The following USP53 variants were observed in gnomAD, a reference collection of about 807,000 sequenced individuals.
USP53 encodes ubiquitin specific peptidase 53, also known as ubiquitin carboxyl-terminal hydrolase 53.
Under a neutral mutation model 94.9 loss-of-function variants are expected in USP53, and 71 were observed. That is an observed-to-expected ratio of 0.75 (90% CI 0.62 to 0.91). USP53 has a LOEUF of 0.91. Among genes scored for constraint, USP53 ranks in the 40% least tolerant of loss-of-function variants. The pLI, the probability that USP53 is intolerant of heterozygous loss-of-function variation, is 0.00. For missense variants in USP53, 1,173 were observed against 1,281.0 expected, an observed-to-expected ratio of 0.92 and a Z score of 1.29; for synonymous variants, 375 against 422.7, an observed-to-expected ratio of 0.89 and a Z score of 1.39.
intron 18 of USP53, 91 bp from the exon 19 acceptor site, chr4:119,292,246 GA>G: frequency 7.5e-7 from 1 of 1,337,432 alleles, no homozygotes; most frequent in South Asian, 1.7e-5. Context: ...TGTATTTTGG[GA>G]AAATCAAACT....
At chr4:119,261,086 A>G (rs1251485686) in intron 11 of USP53, among the ~76,000 whole-genome samples, 1 of 150,000 alleles carries the variant, frequency 6.7e-6, no homozygotes, top group African/African-American at 2.5e-5. Flanking sequence ...CAGCCTCCCT[A>G]GTAGCTGGGA....
At chr4:119,289,476 G>A (rs536105433) in intron 17 of USP53, among the ~76,000 whole-genome samples, 8 of 152,220 alleles carry the variant, frequency 5.3e-5, no homozygotes, top group African/African-American at 1.7e-4. Flanking sequence ...GAGACCTCCC[G>A]GGGTCCAAGG....
chr4:119,285,566 C>G (rs1325814555), intron 17 of USP53, among the ~76,000 whole-genome samples: 1 of 151,778 alleles, frequency 6.6e-6, no homozygotes, highest in Non-Finnish European at 1.5e-5. Flanking sequence ...TCTTCTTGTA[C>G]AAATAGTCTG....
chr4:119,268,036 G>A lies in USP53; in HGVS notation c.1136-232G>A, dbSNP rs558361011. On this transcript the variant is annotated intron_variant, in intron 13 of 18. Transcript: ENST00000692078. Reference sequence around the variant, plus strand: ...CAAAAAATTGGCCGGGCGCGGTGGCGGGCGCCTGTAGTCCCAGCTACTCGG... The same window carrying A: ...CAAAAAATTGGCCGGGCGCGGTGGCAGGCGCCTGTAGTCCCAGCTACTCGG... Among the ~76,000 whole-genome samples the A allele has an allele frequency of 2.0e-4, 30 of 152,072 alleles. 1 individual carries two copies. Among genetic ancestry groups the A allele is most frequent in the Admixed American group, 1.6e-3 (25 of 15,290 alleles).
In USP53 at chr4:119,269,749, T is replaced by C; in HGVS notation, c.1347T>C (p.Ala449=). ...EKIKDISREC[A]LKAIEQKNLL... ...TAAAAGACATTTCCAGAGAATGTGC[T>C]CTGAAAGCTATTGAACAGAAAAACT... is the stretch of plus-strand genomic sequence containing the variant. Residue 449 remains alanine, a synonymous_variant, in exon 15 of 19, where the codon GCT becomes GCC. Transcript: ENST00000692078. 6.6e-7 allele frequency: 1 copy of C among 1,512,106 alleles called. No homozygotes were observed. Among genetic ancestry groups the C allele is most frequent in the South Asian group, 1.4e-5 (1 of 72,890 alleles). 93.7% of individuals were successfully genotyped at this position (1,512,106 alleles called of 1,614,324 possible). A position where few individuals can be genotyped will look rare whatever the true frequency, so the allele number is the denominator to read the frequency against.
At chr4:119,274,716 G>T (rs1307459317) in intron 17 of USP53, among the ~76,000 whole-genome samples, 1 of 140,438 alleles carries the variant, frequency 7.1e-6, no homozygotes, top group Non-Finnish European at 1.6e-5. Context: ...CCCACCAACA[G>T]TGTAAAAGTG....
At chr4:119,253,188 A>C (rs746043934) in intron 7 of USP53, among the ~76,000 whole-genome samples, 7 of 152,084 alleles carry the variant, frequency 4.6e-5, no homozygotes, top group Non-Finnish European at 2.9e-5. Context: ...AAGAATATAT[A>C]TTCTGTTGAT....
intron 6 of USP53, among the ~76,000 whole-genome samples, chr4:119,248,243 A>G (rs1748510358): frequency 2.0e-5 from 3 of 152,136 alleles, no homozygotes; most frequent in Admixed American, 2.0e-4. Flanking sequence ...AATTTAGATT[A>G]GAAATACAGG....
intron 17 of USP53, among the ~76,000 whole-genome samples, chr4:119,286,521 A>T (rs1754136657): frequency 6.6e-6 from 1 of 152,002 alleles, no homozygotes. Context: ...AAGTCAAACC[A>T]CTTGGTTGAA....
intron 6 of USP53, among the ~76,000 whole-genome samples, chr4:119,247,559 T>C (rs1748418272): frequency 1.3e-5 from 2 of 152,192 alleles, no homozygotes; most frequent in Admixed American, 6.5e-5. Context: ...TCTACTGTAC[T>C]TATCACATTC....
At chr4:119,241,511 AT>A (rs34187026) in intron 5 of USP53, among the ~76,000 whole-genome samples, 66,122 of 149,158 alleles carry the variant, frequency 0.44, 15,167 homozygotes, top group African/African-American at 0.59. Context: ...CCAAGTTGAC[AT>A]TTTTTCTTTC....
At chr4:119,240,242 C>A (rs963637872) in intron 5 of USP53, among the ~76,000 whole-genome samples, 2 of 152,024 alleles carry the variant, frequency 1.3e-5, no homozygotes, top group East Asian at 1.9e-4. Context: ...GTATATGGAT[C>A]CCTGTAGATA....
At chr4:119,256,135 T>C (rs933099780) in intron 7 of USP53, 111 bp from the exon 8 acceptor site, 1 of 707,366 alleles carries the variant, frequency 1.4e-6, no homozygotes, top group Non-Finnish European at 2.3e-6. Context: ...GCTAACAATA[T>C]GTATGACACT....
At chr4:119,249,000 C>G in intron 7 of USP53, 118 bp downstream of exon 7, 1 of 1,247,434 alleles carries the variant, frequency 8.0e-7, no homozygotes, top group South Asian at 1.5e-5. Context: ...TCAAAACTGT[C>G]CAGTAGATCC....
chr4:119,227,880 A>G (rs1301473981), intron 3 of USP53, among the ~76,000 whole-genome samples: 1 of 152,198 alleles, frequency 6.6e-6, no homozygotes, highest in Middle Eastern at 3.2e-3. Context: ...GCAAAAGAAT[A>G]TTACTCAGTA....
intron 5 of USP53, 50 bp downstream of exon 5, chr4:119,239,953 C>T: frequency 3.7e-6 from 5 of 1,337,862 alleles, no homozygotes; most frequent in Non-Finnish European, 4.8e-6. Flanking sequence ...TTCAGAAAAT[C>T]CTTTGTTTAA....
At chr4:119,247,889 T>A (rs1748460645) in intron 6 of USP53, among the ~76,000 whole-genome samples, 1 of 152,194 alleles carries the variant, frequency 6.6e-6, no homozygotes, top group Admixed American at 6.5e-5. Flanking sequence ...ATCTGTTTTT[T>A]TATTTCTTAT....
intron 7 of USP53, among the ~76,000 whole-genome samples, chr4:119,249,364 G>A (rs993329981): frequency 6.6e-6 from 1 of 152,122 alleles, no homozygotes. Context: ...CTCAGGCTCT[G>A]TGTTACCACC....
At chr4:119,238,098 T>C (rs1220544971) in intron 4 of USP53, among the ~76,000 whole-genome samples, 1 of 152,324 alleles carries the variant, frequency 6.6e-6, no homozygotes, top group Non-Finnish European at 1.5e-5. Flanking sequence ...AGGTGTTTAT[T>C]TGAGTAACAC....
Sources: gnomAD v4.1 joint callset for allele counts (sites outside exome capture counted in the v4.1 genomes callset) on GRCh38, gnomAD v4.1.1 for gene constraint, MANE v1.5 for transcripts, NCBI Gene and HGNC (gene_info 2026-07-23, HGNC 2026-07-21) for gene names.